PLAGL1: variants seen among roughly 807,000 people sequenced by gnomAD.
The protein encoded by PLAGL1 is PLAG1 like zinc finger 1.
A neutral mutation model predicts 4.6 loss-of-function variants in PLAGL1; 1 was observed. The observed-to-expected ratio is 0.22, with a 90% CI of 0.08 to 1.03. PLAGL1 has a LOEUF of 1.03. Ranked by LOEUF, PLAGL1 falls within the 50% of genes least tolerant of loss-of-function variation. PLAGL1 has a pLI of 0.58. For synonymous variants in PLAGL1, 240 were observed against 237.8 expected (o/e 1.01, Z -0.08); for missense variants, 464 against 570.4 (o/e 0.81, Z 1.90).
chr6:144,009,419 G>T (rs1174263352), upstream of PLAGL1, among the ~76,000 whole-genome samples: 2 of 152,102 alleles, frequency 1.3e-5, no homozygotes, highest in African/African-American at 2.4e-5. Flanking sequence ...GAGAAGATCT[G>T]GTGTTTTTCT....
intron 1 of PLAGL1, among the ~76,000 whole-genome samples, chr6:144,017,296 A>T (rs763687958): frequency 6.6e-6 from 1 of 151,922 alleles, no homozygotes; most frequent in Non-Finnish European, 1.5e-5. Context: ...CTTTTTTTGA[A>T]ACTGTAATCT....
rs1038123315 is a variant in PLAGL1 at position 143,968,521 on chromosome 6, A to G, written c.-472+386T>C. 3 of 152,192 alleles carry G rather than the reference A, an allele frequency of 2.0e-5. No individual in the cohort carries two copies. Among genetic ancestry groups the G allele is most frequent in the Non-Finnish European group, 4.4e-5 (3 of 68,030 alleles). 9.4% of individuals were successfully genotyped at this position (152,192 alleles called of 1,614,324 possible). On this transcript the variant is annotated intron_variant, in intron 3 of 7. Transcript: ENST00000674357. The surrounding 1 kb of genome is among the most constrained non-coding windows in gnomAD (Gnocchi z 6.3). ...CCATTTAAAAACATCTTTTTAAAAT[A>G]TAACAGAAAGAGATCACGAAGTTTC...
Position 143,994,160 on chromosome 6 carries a change from TC to T in PLAGL1, c.-583-8987del, listed in dbSNP as rs1199791762. The stretch of plus-strand genomic sequence containing the variant: ...TTTACTCTCCAGGTTTTGAAGGATT[TC>T]AAAATTGTTATGGACCAGGGACTCC... On this transcript the variant is annotated intron_variant, in intron 1 of 7. Coordinates refer to ENST00000674357, the MANE Select transcript of PLAGL1 (RefSeq NM_001317162.2). This position sits in a 1 kb window ranked among gnomAD's most constrained non-coding sequence, Gnocchi z 4.3. Among the ~76,000 whole-genome samples the T allele has an allele frequency of 6.6e-6, 1 of 152,184 alleles. No homozygotes were observed. The highest frequency in any genetic ancestry group is 2.4e-5 in the African/African-American group (1 of 41,444).
chr6:143,993,752 A>G (rs1791045557), intron 1 of PLAGL1, among the ~76,000 whole-genome samples: 1 of 152,214 alleles, frequency 6.6e-6, no homozygotes, highest in South Asian at 2.1e-4. Context: ...AAAGACAGCT[A>G]TGGGAGTGAG....
chr6:143,985,966 T>TTA lies in PLAGL1; in HGVS notation c.-583-794_-583-793dup, dbSNP rs1241858435. On this transcript the variant is annotated intron_variant, in intron 1 of 7. Coordinates refer to ENST00000674357, the MANE Select transcript of PLAGL1 (RefSeq NM_001317162.2). The surrounding 1 kb of genome is among the most constrained non-coding windows in gnomAD (Gnocchi z 4.4). ...GATATATATACACATATATATCAAA[T>TTA]TATATATATATAAAATTATATATAT... 1.9e-5 allele frequency among the ~76,000 whole-genome samples: 2 copies of TTA among 107,882 alleles called. No individual in the cohort carries two copies. Among genetic ancestry groups the TTA allele is most frequent in the Non-Finnish European group, 3.9e-5 (2 of 51,650 alleles). 70.8% of individuals were successfully genotyped at this position (107,882 alleles called of 152,430 possible).
chr6:144,051,376 T>C (rs74319006), intron 1 of PLAGL1, among the ~76,000 whole-genome samples: 6,949 of 152,270 alleles, frequency 0.046, 225 homozygotes, highest in Non-Finnish European at 0.069. Context: ...TTCTACTTTA[T>C]TGCTTTGAAT....
chr6:143,946,058 C>T (rs1779702709), intron 7 of PLAGL1, among the ~76,000 whole-genome samples: 1 of 151,734 alleles, frequency 6.6e-6, no homozygotes, highest in South Asian at 2.1e-4. Flanking sequence ...GGTACTGATT[C>T]TACCCCTGTC....
In PLAGL1 at chr6:143,941,541, G is replaced by A. The variant is rs1273717387; in HGVS notation, c.1275C>T (p.Pro425=). The A allele has an allele frequency of 1.3e-6, 2 of 1,564,946 alleles. No homozygotes were observed. Among genetic ancestry groups the A allele is most frequent in the African/African-American group, 2.7e-5 (2 of 73,708 alleles). The change falls in exon 8 of 8, where the codon CCC becomes CCT. Residue 425 remains proline (P), a synonymous_variant. Transcript: ENST00000674357. The surrounding 1 kb of genome is among the most constrained non-coding windows in gnomAD (Gnocchi z 6.0). Reference sequence around the variant, plus strand: ...GGCTCACAGTGCCCATGGCAAGTGGGGGTTCTTGCTGCTGCTGCCCCAGAC... The same window carrying A: ...GGCTCACAGTGCCCATGGCAAGTGGAGGTTCTTGCTGCTGCTGCCCCAGAC... ...LSCLGQQQQE[P]PLAMGTVSLG... is the part of the protein sequence containing the mutation.
Position 143,941,875 on chromosome 6 carries a change from G to C in PLAGL1, c.941C>G (p.Ala314Gly). The change falls in exon 8 of 8, where the codon GCA (alanine) becomes GGA (glycine). Residue 314 changes from alanine to glycine, a missense_variant. Ala to Gly is a moderately conservative substitution (Grantham distance 60). Transcript: ENST00000674357. The surrounding 1 kb of genome is among the most constrained non-coding windows in gnomAD (Gnocchi z 6.0). The part of the protein sequence containing the change: ...NTTSTSYSPL[A>G]SLPLKADTKG... ...AGTATCTGCTTTGAGGGGCAGGCTT[G>C]CAAGTGGGGAGTATGAGGTAGAAGT... 6.2e-7 allele frequency: 1 copy of C among 1,614,122 alleles called. No individual in the cohort carries two copies. Among genetic ancestry groups the C allele is most frequent in the Non-Finnish European group, 8.5e-7 (1 of 1,180,012 alleles).
At chr6:144,045,238 GGTT>G (rs1165620127) in intron 1 of PLAGL1, among the ~76,000 whole-genome samples, 1 of 152,000 alleles carries the variant, frequency 6.6e-6, no homozygotes, top group Non-Finnish European at 1.5e-5. Flanking sequence ...GATGTTAGCT[GGTT>G]GTTTTGCCTG....
At chr6:144,028,952 A>G (rs1467082803) in intron 1 of PLAGL1, among the ~76,000 whole-genome samples, 1 of 152,200 alleles carries the variant, frequency 6.6e-6, no homozygotes, top group Non-Finnish European at 1.5e-5. Flanking sequence ...TTTTTTATGT[A>G]ATTGAGATGA....
rs973455151 is a variant in PLAGL1 at position 143,985,868 on chromosome 6, A to G, written c.-583-694T>C. Among the ~76,000 whole-genome samples the G allele has an allele frequency of 2.0e-5, 3 of 149,690 alleles. No individual in the cohort carries two copies. In the East Asian group the frequency reaches 5.9e-4, roughly 29 times the overall value. On this transcript the variant is annotated intron_variant, in intron 1 of 7. Coordinates refer to ENST00000674357, the MANE Select transcript of PLAGL1 (RefSeq NM_001317162.2). This position sits in a 1 kb window ranked among gnomAD's most constrained non-coding sequence, Gnocchi z 4.4. ...AACAAGAAACCTCTGAGTGCTTACC[A>G]TCGGCCAAGCTACATATTATATATT...
chr6:144,004,224 C>T lies in PLAGL1; in HGVS notation c.-584+3866G>A, dbSNP rs1793639093. ...AAGATGGGGTCATCTCACTGTCACC[C>T]AGGCTGCAGTGCAGTGGCATGATCG... is the stretch of plus-strand genomic sequence containing the variant. On this transcript the variant is annotated intron_variant, in intron 1 of 7. Coordinates refer to ENST00000674357, the MANE Select transcript of PLAGL1 (RefSeq NM_001317162.2). This position sits in a 1 kb window ranked among gnomAD's most constrained non-coding sequence, Gnocchi z 4.2. Among the ~76,000 whole-genome samples, 1 of 151,616 alleles carries T rather than the reference C, an allele frequency of 6.6e-6. No homozygotes were observed. The highest frequency in any genetic ancestry group is 1.5e-5 in the Non-Finnish European group (1 of 67,974).
upstream of PLAGL1, among the ~76,000 whole-genome samples, chr6:144,011,291 G>A (rs1023370545): frequency 1.3e-5 from 2 of 152,148 alleles, no homozygotes; most frequent in African/African-American, 4.8e-5. The surrounding 1 kb of genome is among the most constrained non-coding windows in gnomAD (Gnocchi z 4.3). Context: ...GTGGGCAAAG[G>A]ATATGAACAG....
rs1201917458 is a variant in PLAGL1, at chr6:144,056,586, T to G, written c.-151+7882A>C. 6.6e-6 allele frequency among the ~76,000 whole-genome samples: 1 copy of G among 152,234 alleles called. No homozygotes were observed. Among genetic ancestry groups the G allele is most frequent in the Non-Finnish European group, 1.5e-5 (1 of 68,044 alleles). On this transcript the variant is annotated intron_variant, in intron 1 of 3. Transcript: ENST00000437412. The surrounding 1 kb of genome is among the most constrained non-coding windows in gnomAD (Gnocchi z 4.7). ...GAATGTCATACAGTAGGTAGCCCTT[T>G]CAGGTTGGCTTCTTTCACTTAGTAA...
upstream of PLAGL1, chr6:144,008,296 C>T (rs1354146833): frequency 6.6e-6 from 1 of 151,902 alleles, no homozygotes; most frequent in Admixed American, 6.6e-5. This position sits in a 1 kb window ranked among gnomAD's most constrained non-coding sequence, Gnocchi z 6.9. Context: ...AATCAAGGCT[C>T]GGGGCGGTAC....
At chr6:144,043,151 T>C (rs1285347267) in intron 1 of PLAGL1, among the ~76,000 whole-genome samples, 1 of 152,310 alleles carries the variant, frequency 6.6e-6, no homozygotes, top group South Asian at 2.1e-4. Context: ...CTCTTCCTAA[T>C]TGAATACCCT....
At chr6:143,991,363 G>A (rs542286784) in intron 1 of PLAGL1, among the ~76,000 whole-genome samples, 13 of 152,296 alleles carry the variant, frequency 8.5e-5, no homozygotes, top group African/African-American at 3.1e-4. Flanking sequence ...ATGTTTGAAT[G>A]TGGACTTCTT....
At chr6:143,980,481 A>C (rs1787702868) in intron 2 of PLAGL1, among the ~76,000 whole-genome samples, 1 of 150,680 alleles carries the variant, frequency 6.6e-6, no homozygotes, top group Non-Finnish European at 1.5e-5. Flanking sequence ...GTATTTTTCA[A>C]CTCAGGTGTT....
Sources: gnomAD v4.1 joint callset for allele counts (sites outside exome capture counted in the v4.1 genomes callset) on GRCh38, gnomAD v4.1.1 for gene constraint, Gnocchi (gnomAD v3.1) non-coding constraint, MANE v1.5 for transcripts, NCBI Gene and HGNC (gene_info 2026-07-23, HGNC 2026-07-21) for gene names.